The following ADGRL3 variants were observed in gnomAD, a reference collection of about 807,000 sequenced individuals.
ADGRL3 encodes the protein calcium-independent alpha-latrotoxin receptor 3.
A neutral mutation model predicts 153.5 loss-of-function variants in ADGRL3; 62 were observed. That is an observed-to-expected ratio of 0.40 (90% CI 0.33 to 0.50). ADGRL3 has a LOEUF of 0.50. Among genes scored for constraint, ADGRL3 ranks in the 20% least tolerant of loss-of-function variants. The pLI is 0.47. For missense variants in ADGRL3, 1,641 were observed against 1,859.4 expected, an observed-to-expected ratio of 0.88 and a Z score of 2.16; for synonymous variants, 710 against 672.5, an observed-to-expected ratio of 1.06 and a Z score of -0.86.
intron 13 of ADGRL3, among the ~76,000 whole-genome samples, chr4:61,929,961 G>A (rs1186071731): frequency 6.6e-6 from 1 of 152,092 alleles, no homozygotes; most frequent in African/African-American, 2.4e-5. Context: ...GGATCATGAG[G>A]TCAGGAGATT....
intron 8 of ADGRL3, among the ~76,000 whole-genome samples, chr4:61,756,580 C>A (rs922117716): frequency 1.3e-5 from 2 of 152,208 alleles, no homozygotes; most frequent in Admixed American, 1.3e-4. Context: ...GACAATTTCA[C>A]TTCCTCTTTT....
intron 2 of ADGRL3, among the ~76,000 whole-genome samples, chr4:61,478,626 C>A (rs2098094404): frequency 6.6e-6 from 1 of 151,934 alleles, no homozygotes; most frequent in Admixed American, 6.6e-5. Context: ...CTGGGCAATC[C>A]AATATAGAAC....
At chr4:61,623,191 C>G (rs981898171) in intron 5 of ADGRL3, among the ~76,000 whole-genome samples, 11 of 152,090 alleles carry the variant, frequency 7.2e-5, no homozygotes, top group Middle Eastern at 3.4e-3. Context: ...TTCTTGCTAC[C>G]CTCTTTCATT....
intron 12 of ADGRL3, 93 bp downstream of exon 12, chr4:61,909,838 G>C: frequency 2.1e-6 from 2 of 965,894 alleles, no homozygotes; most frequent in South Asian, 4.1e-5. Context: ...AGACTTCACT[G>C]CTTAATTTTC....
intron 1 of ADGRL3, among the ~76,000 whole-genome samples, chr4:61,233,714 T>A (rs1486324513): frequency 6.6e-6 from 1 of 152,104 alleles, no homozygotes; most frequent in Non-Finnish European, 1.5e-5. Flanking sequence ...CGTGTGTGTG[T>A]GTTCTACAAG....
chr4:61,790,372 A>T (rs1262795860), intron 8 of ADGRL3, among the ~76,000 whole-genome samples: 1 of 152,160 alleles, frequency 6.6e-6, no homozygotes, highest in Non-Finnish European at 1.5e-5. Context: ...ATTGTGGGAG[A>T]TACATCCCAA....
At chr4:61,620,469 G>A (rs779840783) in intron 5 of ADGRL3, among the ~76,000 whole-genome samples, 7 of 151,960 alleles carry the variant, frequency 4.6e-5, no homozygotes, top group Non-Finnish European at 7.4e-5. Context: ...TGAAAGTAAA[G>A]CTACTTTGTA....
intron 2 of ADGRL3, among the ~76,000 whole-genome samples, chr4:61,455,251 A>C (rs2097721280): frequency 6.6e-6 from 1 of 152,204 alleles, no homozygotes; most frequent in African/African-American, 2.4e-5. Flanking sequence ...GGGAGTGGAC[A>C]AATCAGTGGG....
chr4:61,227,968 A>G (rs1436400541), intron 1 of ADGRL3, among the ~76,000 whole-genome samples: 1 of 152,204 alleles, frequency 6.6e-6, no homozygotes, highest in African/African-American at 2.4e-5. Context: ...GAATTCCTGT[A>G]TACTCCTTAA....
At chr4:61,573,596 AT>A (rs2098847920) in intron 4 of ADGRL3, among the ~76,000 whole-genome samples, 1 of 151,926 alleles carries the variant, frequency 6.6e-6, no homozygotes, top group East Asian at 1.9e-4. Flanking sequence ...ATATTAAATT[AT>A]TTTTTAGCAA....
chr4:61,250,186 A>C (rs1758698302), intron 1 of ADGRL3, among the ~76,000 whole-genome samples: 1 of 152,154 alleles, frequency 6.6e-6, no homozygotes, highest in Admixed American at 6.5e-5. Flanking sequence ...CAGGGTTGAT[A>C]AATCTATCCT....
chr4:61,449,138 T>G (rs1235106129), intron 2 of ADGRL3, among the ~76,000 whole-genome samples: 1 of 152,010 alleles, frequency 6.6e-6, no homozygotes, highest in Non-Finnish European at 1.5e-5. Context: ...TTAATTTAAT[T>G]AATTAATTTA....
intron 1 of ADGRL3, among the ~76,000 whole-genome samples, chr4:61,270,134 A>C (rs924851947): frequency 6.6e-6 from 1 of 151,732 alleles, no homozygotes; most frequent in East Asian, 1.9e-4. Context: ...AATACAATAC[A>C]TAATGATTTA....
intron 9 of ADGRL3, among the ~76,000 whole-genome samples, chr4:61,817,733 G>A (rs1463283270): frequency 2.6e-5 from 4 of 152,182 alleles, no homozygotes; most frequent in Non-Finnish European, 5.9e-5. Flanking sequence ...CACAATCATG[G>A]TAGAAGGTGA....
intron 25 of ADGRL3, among the ~76,000 whole-genome samples, chr4:62,051,743 C>A (rs901973846): frequency 6.6e-6 from 1 of 151,574 alleles, no homozygotes; most frequent in African/African-American, 2.4e-5. Flanking sequence ...ACGTTATTAC[C>A]TCACATATTA....
intron 4 of ADGRL3, among the ~76,000 whole-genome samples, chr4:61,552,867 G>T (rs957728002): frequency 6.6e-6 from 1 of 152,058 alleles, no homozygotes; most frequent in Non-Finnish European, 1.5e-5. Flanking sequence ...TTGTTGTCTT[G>T]TGTCTTCTTC....
At chr4:61,483,374 A>G (rs2098152227) in intron 2 of ADGRL3, among the ~76,000 whole-genome samples, 1 of 152,220 alleles carries the variant, frequency 6.6e-6, no homozygotes, top group Admixed American at 6.5e-5. Flanking sequence ...CAAAATGTAT[A>G]TACATAGCAA....
At chr4:61,778,168 A>G (rs1222206256) in intron 8 of ADGRL3, among the ~76,000 whole-genome samples, 1 of 152,212 alleles carries the variant, frequency 6.6e-6, no homozygotes, top group Non-Finnish European at 1.5e-5. Flanking sequence ...GGCTGTGTGT[A>G]TAAGATACTG....
At chr4:61,708,634 C>A (rs1028742623) in intron 6 of ADGRL3, among the ~76,000 whole-genome samples, 2 of 151,576 alleles carry the variant, frequency 1.3e-5, no homozygotes, top group Admixed American at 1.3e-4. Context: ...GGGTTTACTG[C>A]ACAGATCAGA....
Sources: allele counts gnomAD v4.1 joint callset (sites outside exome capture counted in the v4.1 genomes callset), GRCh38; gene constraint gnomAD v4.1.1; transcripts MANE v1.5; gene names NCBI Gene and HGNC (gene_info 2026-07-23, HGNC 2026-07-21).